MDN1: variants seen among roughly 807,000 people sequenced by gnomAD.
MDN1 encodes the protein midasin.
A neutral mutation model predicts 669.2 loss-of-function variants in MDN1; 266 were observed. The ratio of observed to expected loss-of-function variants is 0.40; its 90% CI spans 0.36 to 0.44. The LOEUF is 0.44. MDN1 is among the 20% of genes least tolerant of loss of function. The pLI, the probability that MDN1 is intolerant of heterozygous loss-of-function variation, is 1.00. For synonymous variants in MDN1, 2,385 were observed against 2,457.1 expected (o/e 0.97, Z 0.87); for missense variants, 5,940 against 6,754.0 (o/e 0.88, Z 4.22).
At position 89,753,503 on chromosome 6, in the gene MDN1, A is replaced by G; in HGVS notation, c.3075+9T>C. 1 of 1,592,402 alleles carries G rather than the reference A, an allele frequency of 6.3e-7. No homozygotes were observed. The highest frequency in any genetic ancestry group is 8.6e-7 in the Non-Finnish European group (1 of 1,163,656). Reference sequence around the variant, plus strand: ...AGTGTAACAAGTCAAAAATAACAAAAGAACATACCTGCTTCAGCAGACTCT... The same window carrying G: ...AGTGTAACAAGTCAAAAATAACAAAGGAACATACCTGCTTCAGCAGACTCT... On this transcript the variant is annotated intron_variant, in intron 22 of 101. Transcript: ENST00000369393.
Position 89,708,415 on chromosome 6 carries a change from C to T in MDN1, c.7898+81G>A, listed in dbSNP as rs1425100430. 7 of 1,529,982 alleles carry T rather than the reference C, an allele frequency of 4.6e-6. No individual in the cohort carries two copies. In the South Asian group the frequency reaches 6.1e-5, roughly 13 times the overall value. 94.8% of individuals were successfully genotyped at this position (1,529,982 alleles called of 1,614,324 possible). A position where few individuals can be genotyped will look rare whatever the true frequency, so the allele number is the denominator to read the frequency against. ...GTTCACAAAATTCAACACACATAAG[C>T]TATTTGACAGATTCTTAGGAAAGGT... is the stretch of plus-strand genomic sequence containing the variant. On this transcript the variant is annotated intron_variant, in intron 51 of 101. Coordinates refer to ENST00000369393, the MANE Select transcript of MDN1 (RefSeq NM_014611.3).
chr6:89,658,193 TG>T lies in MDN1; in HGVS notation c.15183+15del. ...ACTAAGAGGCAGCTGGCGGCTGCAGTGAAACCACTGATCACCTCTTTCCCCT... is the reference window on the plus strand; with the variant it reads ...ACTAAGAGGCAGCTGGCGGCTGCAGTAAACCACTGATCACCTCTTTCCCCT... On this transcript the variant is annotated intron_variant, in intron 90 of 101. Transcript: ENST00000369393. The T allele has an allele frequency of 7.4e-6, 12 of 1,613,752 alleles. No individual in the cohort carries two copies. The highest frequency in any genetic ancestry group is 1.0e-5 in the Non-Finnish European group (12 of 1,179,860).
intron 11 of MDN1, among the ~76,000 whole-genome samples, chr6:89,778,303 G>GT (rs1177837509): frequency 1.3e-5 from 2 of 151,000 alleles, no homozygotes; most frequent in East Asian, 3.9e-4. Flanking sequence ...CTTTTCTATT[G>GT]TTTTTTAACA....
intron 16 of MDN1, among the ~76,000 whole-genome samples, 159 bp downstream of exon 16, chr6:89,762,160 A>G (rs1817577490): frequency 6.6e-6 from 1 of 152,208 alleles, no homozygotes; most frequent in South Asian, 2.1e-4. Flanking sequence ...TTTTTGTGGA[A>G]ATACGTGAAT....
chr6:89,761,753 AAAAG>A lies in MDN1; in HGVS notation c.2357-9_2357-6del, dbSNP rs1817561484. 17 of 1,581,490 alleles carry A rather than the reference AAAAG, an allele frequency of 1.1e-5. No homozygotes were observed. The highest frequency in any genetic ancestry group is 1.5e-5 in the Non-Finnish European group (17 of 1,154,224). ...ATTTCTCTTTTATGAGTAACCCTAA[AAAAG>A]AAAGACAAGAATTCAGCACACATTT... is the stretch of plus-strand genomic sequence containing the variant. On this transcript the variant is annotated splice_region_variant and splice_polypyrimidine_tract_variant and intron_variant, in intron 16 of 101. Transcript: ENST00000369393.
intron 92 of MDN1, among the ~76,000 whole-genome samples, chr6:89,655,423 C>G (rs966693397): frequency 5.3e-5 from 8 of 152,176 alleles, no homozygotes; most frequent in African/African-American, 1.9e-4. Flanking sequence ...TGGATGTGAA[C>G]AACTTATTTT....
chr6:89,732,577 T>C lies in MDN1; in HGVS notation c.4922A>G (p.Tyr1641Cys). The C allele has an allele frequency of 1.9e-6, 3 of 1,614,154 alleles. No individual in the cohort carries two copies. Among genetic ancestry groups the C allele is most frequent in the Non-Finnish European group, 2.5e-6 (3 of 1,180,010 alleles). Reference protein sequence around the residue: ...TSFVHAACLVYIDGIGSGVTS... With the variant: ...TSFVHAACLVCIDGIGSGVTS... The stretch of plus-strand genomic sequence containing the variant: ...CATACCTGAACCTATTCCATCTATG[T>C]ACACCAGGCATGCAGCATGGACAAA... Residue 1641 changes from tyrosine (Y) to cysteine (C), a missense_variant, in exon 34 of 102, where the codon TAC (tyrosine) becomes TGC (cysteine). Physicochemically the swap from Tyr to Cys is radical, Grantham distance 194. This residue lies in a region of MDN1 where 2,292 missense variants were observed against 2,638.3 expected (regional missense o/e 0.87). Coordinates refer to ENST00000369393, the MANE Select transcript of MDN1 (RefSeq NM_014611.3).
At chr6:89,694,470 C>A (rs1327250932) in intron 61 of MDN1, among the ~76,000 whole-genome samples, 1 of 152,234 alleles carries the variant, frequency 6.6e-6, no homozygotes, top group African/African-American at 2.4e-5. Context: ...TACTAACATA[C>A]CATCATCTTA....
At chr6:89,754,560 G>T (rs1297337196) in intron 20 of MDN1, among the ~76,000 whole-genome samples, 1 of 152,204 alleles carries the variant, frequency 6.6e-6, no homozygotes, top group African/African-American at 2.4e-5. Flanking sequence ...GACAAAGAAA[G>T]TTCCTATGCA....
At chr6:89,739,627 G>A (rs1816179850) in intron 32 of MDN1, among the ~76,000 whole-genome samples, 1 of 152,112 alleles carries the variant, frequency 6.6e-6, no homozygotes, top group African/African-American at 2.4e-5. Context: ...CTTCTCCACT[G>A]AAAGGTTTCT....
chr6:89,699,173 AC>A, intron 58 of MDN1, 138 bp from the exon 59 acceptor site: 2 of 709,940 alleles, frequency 2.8e-6, no homozygotes, highest in Non-Finnish European at 4.5e-6. Flanking sequence ...TTTCTCTGCC[AC>A]CCCAGTCAAC....
chr6:89,664,380 A>C (rs915910584), intron 85 of MDN1, 107 bp downstream of exon 85: 76 of 1,418,168 alleles, frequency 5.4e-5, no homozygotes, highest in Non-Finnish European at 6.8e-6. Context: ...ACAGTAACCA[A>C]CTTGTTTCAA....
chr6:89,712,172 C>T lies in MDN1; in HGVS notation c.7515G>A (p.Val2505=), dbSNP rs1813987269. ...CTGGTTCATCGATCCAGTAAGTATT[C>T]ACTTCGACTGCATTGAATTTCAGGT... ...PENLKFNAVE[V]NTYWIDEPDV... is the part of the protein sequence containing the mutation. Residue 2505 remains valine, a synonymous_variant, in exon 49 of 102, where the codon GTG becomes GTA. Coordinates refer to ENST00000369393, the MANE Select transcript of MDN1 (RefSeq NM_014611.3). The T allele has an allele frequency of 6.2e-7, 1 of 1,614,006 alleles. No homozygotes were observed. The highest frequency in any genetic ancestry group is 1.3e-5 in the African/African-American group (1 of 74,932).
intron 11 of MDN1, among the ~76,000 whole-genome samples, chr6:89,779,014 T>C (rs1247066740): frequency 6.6e-6 from 1 of 151,760 alleles, no homozygotes; most frequent in Non-Finnish European, 1.5e-5. Context: ...AGAATCTGCA[T>C]ATAATCTATG....
rs181899197 is a variant in MDN1 at position 89,741,965 on chromosome 6, G to A, written c.4448+1185C>T. Among the ~76,000 whole-genome samples the A allele has an allele frequency of 7.3e-5, 11 of 150,488 alleles. No individual in the cohort carries two copies. In the East Asian group the frequency reaches 2.0e-3, roughly 27 times the overall value. On this transcript the variant is annotated intron_variant, in intron 31 of 101. Transcript: ENST00000369393. ...AAAATACAAAAATTAGCTGGGAGTG[G>A]TGACACATGCCTGTAGTCCCAGCTA...
At chr6:89,740,988 T>C (rs1402778868) in intron 31 of MDN1, among the ~76,000 whole-genome samples, 2 of 152,218 alleles carry the variant, frequency 1.3e-5, no homozygotes, top group Non-Finnish European at 1.5e-5. Flanking sequence ...TCCCAGCACT[T>C]TGGAAGGCCA....
chr6:89,684,014 G>T (rs1584180835), intron 71 of MDN1, 110 bp from the exon 72 acceptor site: 4 of 801,866 alleles, frequency 5.0e-6, no homozygotes, highest in Non-Finnish European at 8.3e-6. Context: ...CCAAACACAG[G>T]ACTGTGTGTC....
chr6:89,763,151 T>C (rs1046195058), intron 15 of MDN1, among the ~76,000 whole-genome samples: 2 of 152,086 alleles, frequency 1.3e-5, no homozygotes, highest in South Asian at 4.1e-4. Context: ...GTATAGGGCA[T>C]AATAAAAAAC....
chr6:89,754,339 C>CCCCAGGAAGTTGTGTGCATG, intron 20 of MDN1, 109 bp from the exon 21 acceptor site: 1 of 1,114,252 alleles, frequency 9.0e-7, no homozygotes, highest in Non-Finnish European at 1.3e-6. Context: ...AATGATCATG[C>CCCCAGGAAGTTGTGTGCATG]ACACAACTTC....
Sources: gnomAD v4.1 joint callset for allele counts (sites outside exome capture counted in the v4.1 genomes callset) on GRCh38, gnomAD v4.1.1 for gene constraint, gnomAD v4.1.1 regional missense constraint, MANE v1.5 for transcripts, NCBI Gene and HGNC (gene_info 2026-07-23, HGNC 2026-07-21) for gene names.